ANKRD42: variants seen among roughly 807,000 people sequenced by gnomAD.
ANKRD42 encodes ankyrin repeat domain 42.
In ANKRD42, 43 loss-of-function variants were observed where a neutral mutation model predicts 51.5. The ratio of observed to expected loss-of-function variants is 0.83; its 90% confidence interval spans 0.65 to 1.08. The LOEUF (loss-of-function observed/expected upper bound fraction) is 1.08. Ranked by LOEUF, ANKRD42 falls within the 50% of genes least tolerant of loss-of-function variation. ANKRD42 has a pLI of 0.00. For synonymous variants in ANKRD42, 203 were observed against 213.0 expected, an observed-to-expected ratio of 0.95 and a Z score of 0.41; for missense variants, 608 against 629.3, an observed-to-expected ratio of 0.97 and a Z score of 0.36.
chr11:83,261,654 G>T, downstream of ANKRD42: 1 of 280,926 alleles, frequency 3.6e-6, no homozygotes, highest in Non-Finnish European at 6.6e-6. Context: ...ACTATCAAAA[G>T]GACAAAATGC....
intron 2 of ANKRD42, among the ~76,000 whole-genome samples, chr11:83,205,653 C>T (rs1023634999): frequency 1.3e-5 from 2 of 152,116 alleles, no homozygotes; most frequent in African/African-American, 2.4e-5. Context: ...GCTCTGGACC[C>T]GTTTAAAGAT....
At chr11:83,211,767 A>G (rs1442287869) in intron 5 of ANKRD42, among the ~76,000 whole-genome samples, 2 of 151,956 alleles carry the variant, frequency 1.3e-5, no homozygotes, top group African/African-American at 4.8e-5. Context: ...GCACCACTGC[A>G]CTCCAGTGAG....
intron 9 of ANKRD42, among the ~76,000 whole-genome samples, chr11:83,245,092 C>G (rs1221696585): frequency 1.3e-5 from 2 of 151,974 alleles, no homozygotes; most frequent in Non-Finnish European, 2.9e-5. Context: ...TTAGTAGAGA[C>G]GGGGTTTCAC....
intron 2 of ANKRD42, among the ~76,000 whole-genome samples, chr11:83,205,647 T>A (rs1490904855): frequency 6.6e-6 from 1 of 152,266 alleles, no homozygotes; most frequent in Non-Finnish European, 1.5e-5. Flanking sequence ...GCAAAAGCTC[T>A]GGACCCGTTT....
chr11:83,250,248 T>C (rs1863651327), downstream of ANKRD42, among the ~76,000 whole-genome samples: 1 of 152,130 alleles, frequency 6.6e-6, no homozygotes, highest in South Asian at 2.1e-4. Flanking sequence ...CCCAACATAA[T>C]CTGCAATAGT....
Position 83,210,433 on chromosome 11 carries a change from G to A in ANKRD42, c.450+14G>A. ...CGAAGTGGAGTGGTGAGTGACTCCT[G>A]TTAATATGTGCTAATGTGTGATAAT... is the stretch of plus-strand genomic sequence containing the variant. On this transcript the variant is annotated intron_variant, in intron 4 of 10. Coordinates refer to ENST00000533342, the MANE Select transcript of ANKRD42 (RefSeq NM_001300975.2). 1 of 1,613,262 alleles carries A rather than the reference G, an allele frequency of 6.2e-7. No individual in the cohort carries two copies. Among genetic ancestry groups the A allele is most frequent in the Non-Finnish European group, 8.5e-7 (1 of 1,179,458 alleles).
chr11:83,199,501 G>A (rs575851158), intron 2 of ANKRD42, among the ~76,000 whole-genome samples: 1 of 152,032 alleles, frequency 6.6e-6, no homozygotes, highest in African/African-American at 2.4e-5. Flanking sequence ...TCTATTCTTA[G>A]ACTGGTATCA....
At chr11:83,211,582 A>C (rs1862320678) in intron 5 of ANKRD42, 152 bp downstream of exon 5, 4 of 839,348 alleles carry the variant, frequency 4.8e-6, no homozygotes, top group Non-Finnish European at 7.2e-6. Context: ...GGATCACTTG[A>C]GGCCAGGAGT....
intron 9 of ANKRD42, 152 bp downstream of exon 9, chr11:83,241,086 G>T: frequency 1.1e-6 from 1 of 886,140 alleles, no homozygotes; most frequent in Non-Finnish European, 1.7e-6. Context: ...ATAAGTTTTT[G>T]TACTAGGGTT....
At chr11:83,212,576 A>G in intron 5 of ANKRD42, 2 of 1,165,622 alleles carry the variant, frequency 1.7e-6, no homozygotes. Flanking sequence ...CTTAAATGAT[A>G]CCTTAAAGAA....
At chr11:83,194,787 G>A (rs1307752565) in intron 1 of ANKRD42, 59 bp downstream of exon 1, 29 of 1,488,406 alleles carry the variant, frequency 1.9e-5, no homozygotes, top group Middle Eastern at 1.8e-4. Context: ...ACTTAAGCCC[G>A]CAACAGCCTT....
At position 83,242,567 on chromosome 11, in the gene ANKRD42, G is replaced by GTTTTTTTTTTTTTTTTTTTTTTTT. The variant is rs539259244; in HGVS notation, c.1195+1651_1195+1652insTTTTTTTTTTTTTTTTTTTTTTTT. On this transcript the variant is annotated intron_variant, in intron 9 of 10. Transcript: ENST00000533342. ...GGGGAATTCGGTGAATGGTAGTTAA[G>GTTTTTTTTTTTTTTTTTTTTTTTT]TTTTTTTTTTTTTTTTTTAGATGGA... 2.6e-5 allele frequency among the ~76,000 whole-genome samples: 3 copies of GTTTTTTTTTTTTTTTTTTTTTTTT among 115,546 alleles called. 1 individual carries two copies. Among genetic ancestry groups the GTTTTTTTTTTTTTTTTTTTTTTTT allele is most frequent in the African/African-American group, 1.0e-4 (3 of 28,926 alleles). 75.8% of individuals were successfully genotyped at this position (115,546 alleles called of 152,430 possible). A position where few individuals can be genotyped will look rare whatever the true frequency, so the allele number is the denominator to read the frequency against.
intron 3 of ANKRD42, among the ~76,000 whole-genome samples, chr11:83,208,450 A>T (rs1338574524): frequency 6.6e-6 from 1 of 152,182 alleles, no homozygotes; most frequent in Non-Finnish European, 1.5e-5. Flanking sequence ...CCGGGGAATG[A>T]GATAATGAAA....
intron 5 of ANKRD42, among the ~76,000 whole-genome samples, chr11:83,221,697 G>A (rs1279101535): frequency 6.6e-6 from 1 of 152,144 alleles, no homozygotes; most frequent in Non-Finnish European, 1.5e-5. Context: ...TCCTAAATGG[G>A]ATATTTCAGC....
chr11:83,251,213 G>A (rs1478297857), downstream of ANKRD42, among the ~76,000 whole-genome samples: 1 of 151,954 alleles, frequency 6.6e-6, no homozygotes, highest in Non-Finnish European at 1.5e-5. Flanking sequence ...AAATCCCCTA[G>A]GAGCCATCTC....
chr11:83,210,119 A>C (rs958131475), intron 3 of ANKRD42, 181 bp from the exon 4 acceptor site: 22 of 532,280 alleles, frequency 4.1e-5, no homozygotes, highest in Non-Finnish European at 6.2e-5. Context: ...AAAAAAAAAA[A>C]CAAACATTTT....
chr11:83,205,051 A>G (rs1862016830), intron 2 of ANKRD42, among the ~76,000 whole-genome samples: 1 of 152,242 alleles, frequency 6.6e-6, no homozygotes, highest in East Asian at 1.9e-4. Flanking sequence ...ACTCCCATAC[A>G]TTGCTGGTGG....
chr11:83,209,563 C>T, intron 3 of ANKRD42: 1 of 955,400 alleles, frequency 1.0e-6, no homozygotes, highest in Middle Eastern at 3.2e-4. Context: ...AGGGATGGGT[C>T]TATTATATGA....
downstream of ANKRD42, chr11:83,249,056 C>T (rs1254919472): frequency 1.1e-6 from 1 of 897,446 alleles, no homozygotes; most frequent in East Asian, 1.2e-4. Context: ...GCCAGCTGTA[C>T]AGTCATGTGT....
Sources: allele counts gnomAD v4.1 joint callset (sites outside exome capture counted in the v4.1 genomes callset), GRCh38; gene constraint gnomAD v4.1.1; transcripts MANE v1.5; gene names NCBI Gene and HGNC (gene_info 2026-07-23, HGNC 2026-07-21).